ANXA8: variants seen among roughly 807,000 people sequenced by gnomAD.
ANXA8 encodes VAC-beta.
A neutral mutation model predicts 26.8 loss-of-function variants in ANXA8; 9 were observed. The observed-to-expected ratio is 0.34, with a 90% CI of 0.20 to 0.59. The LOEUF (loss-of-function observed/expected upper bound fraction) is 0.59. Ranked by LOEUF, ANXA8 falls within the 20% of genes least tolerant of loss-of-function variation. The probability of loss-of-function intolerance (pLI) is 0.84; values close to 1 mark genes in which losing one functional copy is unlikely to be tolerated. For synonymous variants in ANXA8, 39 were observed against 94.8 expected, an observed-to-expected ratio of 0.41 and a Z score of 3.42; for missense variants, 83 against 238.5, an observed-to-expected ratio of 0.35 and a Z score of 4.29.
the ANXA8 span, among the ~76,000 whole-genome samples, chr10:47,673,182 C>G: frequency 6.6e-6 from 1 of 151,700 alleles, no homozygotes; most frequent in Non-Finnish European, 1.5e-5. Context: ...CTCCTACCCA[C>G]AGATGTTCAC....
the ANXA8 span, chr10:47,969,939 TTCTC>T: frequency 1.3e-5 from 2 of 151,338 alleles, no homozygotes; most frequent in African/African-American, 4.8e-5. Context: ...TAAGCCATCT[TTCTC>T]TCTTTTTTAA....
At chr10:47,680,599 C>T in the ANXA8 span, among the ~76,000 whole-genome samples, 1 of 151,070 alleles carries the variant, frequency 6.6e-6, no homozygotes, top group African/African-American at 2.4e-5. Flanking sequence ...TGCGCCATCG[C>T]ACTCCAGCCT....
At chr10:47,579,233 C>T in the ANXA8 span, among the ~76,000 whole-genome samples, 113 of 71,376 alleles carry the variant, frequency 1.6e-3, 32 homozygotes, top group Non-Finnish European at 3.9e-5. Flanking sequence ...TTGACCTCCG[C>T]AGGCTCAGCT....
the ANXA8 span, among the ~76,000 whole-genome samples, chr10:47,724,680 A>T: frequency 7.1e-6 from 1 of 140,960 alleles, no homozygotes; most frequent in African/African-American, 2.6e-5. Context: ...ATTTTTACTG[A>T]AGTTAAAATT....
the ANXA8 span, among the ~76,000 whole-genome samples, chr10:47,640,003 G>A: frequency 6.9e-6 from 1 of 145,452 alleles, no homozygotes; most frequent in Non-Finnish European, 1.5e-5. Flanking sequence ...TGTTGCCTAG[G>A]TTGGTCTCAA....
chr10:47,699,365 A>AG, the ANXA8 span, among the ~76,000 whole-genome samples: 25 of 148,100 alleles, frequency 1.7e-4, no homozygotes, highest in African/African-American at 6.2e-4. Context: ...AAAAAAAAAA[A>AG]AAGAAAGAAG....
the ANXA8 span, among the ~76,000 whole-genome samples, chr10:47,667,627 G>A: frequency 4.5e-4 from 69 of 151,984 alleles, 1 homozygote; most frequent in African/African-American, 1.6e-3. Context: ...TTGGCGCACT[G>A]CAACAACCTC....
At chr10:47,900,174 CT>C in the ANXA8 span, among the ~76,000 whole-genome samples, 4 of 146,084 alleles carry the variant, frequency 2.7e-5, no homozygotes, top group East Asian at 4.3e-4. Context: ...ATACTTTTTT[CT>C]TTTTTTCTCA....
At chr10:47,776,055 C>G in the ANXA8 span, among the ~76,000 whole-genome samples, 4 of 152,056 alleles carry the variant, frequency 2.6e-5, no homozygotes, top group South Asian at 2.1e-4. Flanking sequence ...AATTCAGCAT[C>G]AGGAGAGGGC....
At chr10:47,486,138 A>G (rs1483027160), upstream of ANXA8, among the ~76,000 whole-genome samples, 12 of 151,554 alleles carry the variant, frequency 7.9e-5, no homozygotes, top group Non-Finnish European at 8.8e-5. Context: ...AGCAGCTTCT[A>G]GGATGATGAG....
the ANXA8 span, among the ~76,000 whole-genome samples, chr10:47,748,075 T>C: frequency 2.0e-5 from 3 of 152,132 alleles, no homozygotes; most frequent in African/African-American, 7.2e-5. Context: ...ACTGGAGTCT[T>C]AGAAGGGAGG....
At chr10:47,492,625 C>T in the ANXA8 span, among the ~76,000 whole-genome samples, 11 of 140,926 alleles carry the variant, frequency 7.8e-5, no homozygotes, top group South Asian at 2.2e-4. Flanking sequence ...GCATAGCGTG[C>T]CTTCTTGGCT....
the ANXA8 span, among the ~76,000 whole-genome samples, chr10:47,724,431 G>A: frequency 5.0e-4 from 71 of 141,118 alleles, 3 homozygotes; most frequent in African/African-American, 1.2e-3. Flanking sequence ...CTCCCCTGTC[G>A]TCCAGCACTC....
chr10:47,487,540 T>A, upstream of ANXA8: 10 of 433,396 alleles, frequency 2.3e-5, no homozygotes, highest in East Asian at 5.2e-4. Context: ...GCAGCAGGAT[T>A]ACTGCAGAAT....
At chr10:47,681,916 TC>T in the ANXA8 span, among the ~76,000 whole-genome samples, 3 of 113,088 alleles carry the variant, frequency 2.7e-5, no homozygotes, top group South Asian at 3.2e-4. Flanking sequence ...GAGGATTTCT[TC>T]TTCGACCTTA....
At chr10:47,977,419 C>A in the ANXA8 span, among the ~76,000 whole-genome samples, 1 of 150,960 alleles carries the variant, frequency 6.6e-6, no homozygotes, top group South Asian at 2.1e-4. Context: ...TACAAAGAAA[C>A]AAAATGTGTG....
chr10:47,989,258 G>T, the ANXA8 span, among the ~76,000 whole-genome samples: 1 of 135,942 alleles, frequency 7.4e-6, no homozygotes, highest in Non-Finnish European at 1.7e-5. Context: ...TCACCCACAG[G>T]AACGCAGGTC....
chr10:47,970,571 ACTGTAT>A, the ANXA8 span: 1 of 151,430 alleles, frequency 6.6e-6, no homozygotes, highest in Non-Finnish European at 1.5e-5. Flanking sequence ...ATGCGCAATT[ACTGTAT>A]AACAGTTCAC....
the ANXA8 span, among the ~76,000 whole-genome samples, chr10:47,500,847 C>A: frequency 8.3e-6 from 1 of 120,562 alleles, no homozygotes; most frequent in African/African-American, 3.4e-5. Context: ...CATTATCCTG[C>A]CTCAGCCTCC....
Sources: gnomAD v4.1 joint callset for allele counts (sites outside exome capture counted in the v4.1 genomes callset) on GRCh38, gnomAD v4.1.1 for gene constraint, MANE v1.5 for transcripts, NCBI Gene and HGNC (gene_info 2026-07-23, HGNC 2026-07-21) for gene names.